The following VSIG1 variants were observed in gnomAD, a reference collection of about 807,000 sequenced individuals.
VSIG1 encodes V-set and immunoglobulin domain containing 1.
In VSIG1, 11 loss-of-function variants were observed where a neutral mutation model predicts 20.1. The observed-to-expected ratio is 0.55, with a 90% CI of 0.34 to 0.91. VSIG1 has a LOEUF of 0.91. VSIG1 is among the 40% of genes least tolerant of loss of function. The pLI, the probability that VSIG1 is intolerant of heterozygous loss-of-function variation, is 0.02. For missense variants in VSIG1, 283 were observed against 298.8 expected, an observed-to-expected ratio of 0.95 and a Z score of 0.39; for synonymous variants, 126 against 116.7, an observed-to-expected ratio of 1.08 and a Z score of -0.52.
At chrX:108,074,777 C>G (rs1053367208) in intron 5 of VSIG1, among the ~76,000 whole-genome samples, 2 of 111,495 alleles carry the variant, frequency 1.8e-5, no homozygotes, top group Non-Finnish European at 3.8e-5. Context: ...AATGGGAAAG[C>G]TGAAGCATGA....
Position 108,072,745 on chromosome X carries a change from T to C in VSIG1, c.481T>C (p.Cys161Arg). The change falls in exon 4 of 7, where the codon TGT becomes CGT. Residue 161 changes from cysteine to arginine, a missense_variant. By Grantham distance (180) the Cys-to-Arg change is radical. Coordinates refer to ENST00000217957, the MANE Select transcript of VSIG1 (RefSeq NM_182607.5). ...AACTGGCCACACTATTTCCCTTTCC[T>C]GTCTCTCTGCGCTTGGAACACCTTC... ...PETGHTISLS[C>R]LSALGTPSPV... 8.3e-7 allele frequency: 1 copy of C among 1,210,511 alleles called. No homozygotes were observed. The highest frequency in any genetic ancestry group is 1.1e-6 in the Non-Finnish European group (1 of 894,639).
the VSIG1 span, among the ~76,000 whole-genome samples, chrX:108,035,877 G>T: frequency 1.9e-5 from 2 of 107,897 alleles, no homozygotes; most frequent in Non-Finnish European, 3.8e-5. Context: ...GGGCTTTGGA[G>T]CCGTCCCACC....
At chrX:108,049,689 C>CT (rs1262539775) in intron 1 of VSIG1, among the ~76,000 whole-genome samples, 1 of 112,059 alleles carries the variant, frequency 8.9e-6, no homozygotes, top group Non-Finnish European at 1.9e-5. Flanking sequence ...TCTAAAATCT[C>CT]TGTTTTTAGG....
intron 1 of VSIG1, among the ~76,000 whole-genome samples, chrX:108,047,871 CACATATATATATATACACACAT>C (rs1569287155): frequency 6.9e-5 from 2 of 28,809 alleles, no homozygotes; most frequent in African/African-American, 4.3e-4. Context: ...TATATATATA[CACATATATATATATACACACAT>C]ATATATATAT....
At chrX:108,047,366 G>A (rs2030603630) in intron 1 of VSIG1, among the ~76,000 whole-genome samples, 2 of 111,437 alleles carry the variant, frequency 1.8e-5, no homozygotes, top group Non-Finnish European at 3.8e-5. Context: ...TCAGGAAAAC[G>A]AGTTTTAATC....
chrX:108,066,977 A>G lies in VSIG1; in HGVS notation c.255A>G (p.Gln85=), dbSNP rs144735096. 8.3e-7 allele frequency: 1 copy of G among 1,209,623 alleles called. No individual in the cohort carries two copies. Among genetic ancestry groups the G allele is most frequent in the Non-Finnish European group, 1.1e-6 (1 of 895,054 alleles). The change falls in exon 3 of 7, where the codon CAA becomes CAG. Residue 85 remains glutamine (Q), a synonymous_variant. Coordinates refer to ENST00000217957, the MANE Select transcript of VSIG1 (RefSeq NM_182607.5). ...SQGGQAVAIG[Q]FKDRITGSND... ...GTGGACAAGCTGTAGCCATCGGGCA[A>G]TTTAAAGATCGAATTACAGGGTCCA...
intron 5 of VSIG1, among the ~76,000 whole-genome samples, chrX:108,074,982 A>G (rs2031322490): frequency 8.9e-6 from 1 of 112,302 alleles, no homozygotes; most frequent in Admixed American, 9.5e-5. Context: ...TTAATCCCCA[A>G]ATGAAGCAAT....
At chrX:108,057,811 A>G (rs1434613107) in intron 1 of VSIG1, among the ~76,000 whole-genome samples, 5 of 111,133 alleles carry the variant, frequency 4.5e-5, no homozygotes, top group African/African-American at 1.3e-4. Context: ...TTATTACCAC[A>G]CCATCATCTA....
intron 2 of VSIG1, chrX:108,061,640 C>A: frequency 1.6e-6 from 1 of 626,663 alleles, no homozygotes; most frequent in Non-Finnish European, 2.5e-6. Context: ...ACTTTGGTAA[C>A]AATCAAGATC....
At chrX:108,042,603 C>T (rs1482450065), upstream of VSIG1, among the ~76,000 whole-genome samples, 2 of 111,593 alleles carry the variant, frequency 1.8e-5, no homozygotes, top group Non-Finnish European at 3.8e-5. Flanking sequence ...TTATAAATTT[C>T]GCTCCCCATC....
upstream of VSIG1, among the ~76,000 whole-genome samples, chrX:108,043,649 C>G (rs2030515368): frequency 9.0e-6 from 1 of 111,508 alleles, no homozygotes; most frequent in African/African-American, 3.3e-5. Flanking sequence ...TGGAAATCAC[C>G]TGGAGCCAAC....
At chrX:108,032,711 G>A in the VSIG1 span, among the ~76,000 whole-genome samples, 1 of 111,314 alleles carries the variant, frequency 9.0e-6, no homozygotes, top group East Asian at 2.8e-4. Flanking sequence ...CCTGAAGTGG[G>A]AGCATTTTTA....
chrX:108,031,336 C>CT, the VSIG1 span, among the ~76,000 whole-genome samples: 2 of 112,070 alleles, frequency 1.8e-5, no homozygotes, highest in African/African-American at 6.5e-5. Flanking sequence ...TATGGAGTGT[C>CT]TTTTTTTGTG....
chrX:108,077,711 CT>C lies in VSIG1; in HGVS notation c.*339del, dbSNP rs200130481. ...TATTATTTCTCTCTTTTTAACTACT[CT>C]TTTTTTTTATTTTAGACAGAGTCTT... On this transcript the variant is annotated 3_prime_UTR_variant, in exon 7 of 7. Transcript: ENST00000217957. 1.9e-4 allele frequency: 39 copies of C among 207,509 alleles called. No homozygotes were observed. Among genetic ancestry groups the C allele is most frequent in the Middle Eastern group, 1.6e-3 (1 of 619 alleles). 17.1% of individuals were successfully genotyped at this position (207,509 alleles called of 1,213,427 possible).
intron 2 of VSIG1, 82 bp from the exon 3 acceptor site, chrX:108,066,854 A>C: frequency 1.1e-6 from 1 of 901,600 alleles, no homozygotes; most frequent in African/African-American, 1.9e-5. Flanking sequence ...ATCAAAGGTA[A>C]TGTGTTTAGA....
rs949986440 is a variant in VSIG1, at chrX:108,078,867, T to G, written c.*1486T>G. On this transcript the variant is annotated 3_prime_UTR_variant, in exon 7 of 7. Coordinates refer to ENST00000217957, the MANE Select transcript of VSIG1 (RefSeq NM_182607.5). ...CAACTAATTAAATAACCTGTTTTAC[T>G]GCCTGTACATTCCACATTAATAAAG... is the stretch of plus-strand genomic sequence containing the variant. The G allele has an allele frequency of 1.8e-5, 2 of 112,176 alleles. No individual in the cohort carries two copies. Among genetic ancestry groups the G allele is most frequent in the African/African-American group, 6.5e-5 (2 of 30,842 alleles). 9.2% of individuals were successfully genotyped at this position (112,176 alleles called of 1,213,427 possible). A position where few individuals can be genotyped will look rare whatever the true frequency, so the allele number is the denominator to read the frequency against.
At chrX:108,054,230 T>TA (rs1240991122) in intron 1 of VSIG1, among the ~76,000 whole-genome samples, 1 of 111,732 alleles carries the variant, frequency 8.9e-6, no homozygotes, top group Non-Finnish European at 1.9e-5. Flanking sequence ...CAATGATCCT[T>TA]AATGGGTACA....
At chrX:108,050,300 G>A (rs975376978) in intron 1 of VSIG1, among the ~76,000 whole-genome samples, 2 of 111,922 alleles carry the variant, frequency 1.8e-5, no homozygotes, top group African/African-American at 6.5e-5. Flanking sequence ...ACAGGAATTA[G>A]TCCCTCTATG....
intron 6 of VSIG1, 47 bp from the exon 7 acceptor site, chrX:108,077,001 G>A (rs1569293740): frequency 1.8e-6 from 2 of 1,129,967 alleles, no homozygotes; most frequent in Middle Eastern, 5.0e-4. Context: ...AAATTTCAAA[G>A]TTAGCATCTC....
Sources: allele counts gnomAD v4.1 joint callset (sites outside exome capture counted in the v4.1 genomes callset), GRCh38; gene constraint gnomAD v4.1.1; transcripts MANE v1.5; gene names NCBI Gene and HGNC (gene_info 2026-07-23, HGNC 2026-07-21).